TMOD3: variants seen among roughly 807,000 people sequenced by gnomAD.
The protein encoded by TMOD3 is tropomodulin 3.
Under a neutral mutation model 39.2 loss-of-function variants are expected in TMOD3, and 20 were observed. The ratio of observed to expected loss-of-function variants is 0.51; its 90% CI spans 0.36 to 0.74. The LOEUF (loss-of-function observed/expected upper bound fraction) is 0.74, where lower values mean the gene tolerates loss of function less well. Among genes scored for constraint, TMOD3 ranks in the 30% least tolerant of loss-of-function variants. The pLI is 0.00. For missense variants in TMOD3, 381 were observed against 412.8 expected, an observed-to-expected ratio of 0.92 and a Z score of 0.67; for synonymous variants, 143 against 145.8, an observed-to-expected ratio of 0.98 and a Z score of 0.14.
intron 1 of TMOD3, among the ~76,000 whole-genome samples, chr15:51,850,358 CAG>C (rs2056355348): frequency 6.6e-6 from 1 of 152,030 alleles, no homozygotes; most frequent in South Asian, 2.1e-4. Context: ...AGAGACTGGA[CAG>C]TTTATCCATA....
In TMOD3 at chr15:51,911,216, T is replaced by A; in HGVS notation, c.*2406T>A. 6.6e-6 allele frequency: 1 copy of A among 152,210 alleles called. No homozygotes were observed. The highest frequency in any genetic ancestry group is 2.1e-4 in the South Asian group (1 of 4,830). The allele number at this position is 152,210 out of a possible 1,614,324, so 9.4% of individuals were successfully genotyped here. A position where few individuals can be genotyped will look rare whatever the true frequency, so the allele number is the denominator to read the frequency against. On this transcript the variant is annotated 3_prime_UTR_variant, in exon 10 of 10. Transcript: ENST00000308580. ...CTTAAGTTTTGTTTTTGTTTTTGTT[T>A]TTAATATAGGTAAGTGGGACTCTAC...
At chr15:51,894,542 C>T (rs979507282) in intron 6 of TMOD3, among the ~76,000 whole-genome samples, 6 of 152,098 alleles carry the variant, frequency 3.9e-5, no homozygotes, top group South Asian at 2.1e-4. Context: ...TATCTGTCAC[C>T]GCAAAAGTTC....
chr15:51,862,983 A>G lies in TMOD3; in HGVS notation c.99A>G (p.Glu33=), dbSNP rs2056426778. Residue 33 remains glutamate (E), a synonymous_variant, in exon 2 of 10, where the codon GAA becomes GAG. Transcript: ENST00000308580. The part of the protein sequence containing the change: ...NLSETELKQL[E]TVLDDLDPEN... The stretch of plus-strand genomic sequence containing the variant: ...CAGAAACAGAACTGAAACAACTGGA[A>G]ACTGTTTTGGATGATCTTGACCCCG... 1 of 1,613,830 alleles carries G rather than the reference A, an allele frequency of 6.2e-7. No homozygotes were observed. Among genetic ancestry groups the G allele is most frequent in the African/African-American group, 1.3e-5 (1 of 75,042 alleles).
chr15:51,859,722 G>C (rs1264995106), intron 1 of TMOD3: 1 of 486,380 alleles, frequency 2.1e-6, no homozygotes, highest in African/African-American at 2.0e-5. Context: ...GCTATGTCAG[G>C]GCTCTTTGAG....
intron 3 of TMOD3, among the ~76,000 whole-genome samples, chr15:51,872,484 AC>A (rs2056480123): frequency 6.6e-6 from 1 of 152,096 alleles, no homozygotes; most frequent in Admixed American, 6.5e-5. Flanking sequence ...GTAATTACCA[AC>A]ATAGTGTCTA....
intron 9 of TMOD3, among the ~76,000 whole-genome samples, chr15:51,907,700 C>G (rs1331669869): frequency 6.6e-6 from 1 of 152,194 alleles, no homozygotes; most frequent in African/African-American, 2.4e-5. Flanking sequence ...CTCTAGGAGC[C>G]GGCCACAATG....
chr15:51,906,975 G>A (rs146951940), intron 9 of TMOD3, among the ~76,000 whole-genome samples: 1,733 of 148,840 alleles, frequency 0.012, 12 homozygotes, highest in Middle Eastern at 0.025. Flanking sequence ...AGCCGAGATC[G>A]CGCCATTGCA....
chr15:51,892,141 C>T (rs2056596749), intron 5 of TMOD3, among the ~76,000 whole-genome samples: 1 of 152,138 alleles, frequency 6.6e-6, no homozygotes, highest in South Asian at 2.1e-4. Flanking sequence ...TCAGTGCACC[C>T]TGTCTCAAGA....
At chr15:51,889,274 G>C in intron 5 of TMOD3, 129 bp downstream of exon 5, 1 of 615,992 alleles carries the variant, frequency 1.6e-6, no homozygotes, top group Admixed American at 3.4e-5. Context: ...ATTTCAGTTT[G>C]GTGGTATTAA....
At chr15:51,860,103 G>C (rs751121480) in intron 1 of TMOD3, 15 of 488,974 alleles carry the variant, frequency 3.1e-5, no homozygotes, top group Non-Finnish European at 6.1e-5. Flanking sequence ...TTCGTTGTAG[G>C]CTGTACGCTG....
At chr15:51,853,634 G>A (rs1043409121) in intron 1 of TMOD3, among the ~76,000 whole-genome samples, 1 of 151,970 alleles carries the variant, frequency 6.6e-6, no homozygotes, top group African/African-American at 2.4e-5. Context: ...TGGTTATAAT[G>A]GATGTATATA....
At chr15:51,858,909 C>T (rs924421822) in intron 1 of TMOD3, among the ~76,000 whole-genome samples, 14 of 152,118 alleles carry the variant, frequency 9.2e-5, no homozygotes, top group Non-Finnish European at 1.9e-4. Context: ...TGGTGTCCTG[C>T]GCCTATAATC....
Position 51,844,894 on chromosome 15 carries a change from T to C in TMOD3, c.-75+15058T>C, listed in dbSNP as rs114593937. On this transcript the variant is annotated intron_variant, in intron 1 of 9. Coordinates refer to ENST00000308580, the MANE Select transcript of TMOD3 (RefSeq NM_014547.5). Reference sequence around the variant, plus strand: ...TTAACTTTTTTTTCCCCTCTACTACTTAACAACATTGGCTCATGCTTGACT... The same window carrying C: ...TTAACTTTTTTTTCCCCTCTACTACCTAACAACATTGGCTCATGCTTGACT... Among the ~76,000 whole-genome samples the C allele has an allele frequency of 5.6e-3, 848 of 152,320 alleles. 9 individuals are homozygous for C. Among genetic ancestry groups the C allele is most frequent in the African/African-American group, 0.02 (818 of 41,566 alleles).
At chr15:51,895,907 G>A (rs555937360) in intron 6 of TMOD3, among the ~76,000 whole-genome samples, 14 of 152,052 alleles carry the variant, frequency 9.2e-5, no homozygotes, top group Non-Finnish European at 1.8e-4. Flanking sequence ...TCAGGAGTTC[G>A]GGACCAGCCT....
chr15:51,897,106 A>G (rs1055727960), intron 7 of TMOD3, among the ~76,000 whole-genome samples: 1 of 152,204 alleles, frequency 6.6e-6, no homozygotes, highest in Non-Finnish European at 1.5e-5. Context: ...CCCTTACCTC[A>G]GTGGACATTC....
chr15:51,867,198 G>T (rs1480834506), intron 2 of TMOD3, among the ~76,000 whole-genome samples: 1 of 152,182 alleles, frequency 6.6e-6, no homozygotes, highest in African/African-American at 2.4e-5. Flanking sequence ...ATCCAGGTGG[G>T]AAGCTAATGT....
chr15:51,862,557 T>G (rs1287594459), intron 1 of TMOD3, among the ~76,000 whole-genome samples: 1 of 152,214 alleles, frequency 6.6e-6, no homozygotes, highest in Non-Finnish European at 1.5e-5. Context: ...TATTAGAAAT[T>G]CTAAATTCTA....
At chr15:51,879,889 C>CACACACACACGAA (rs1555387141) in intron 3 of TMOD3, among the ~76,000 whole-genome samples, 1 of 150,884 alleles carries the variant, frequency 6.6e-6, no homozygotes, top group Non-Finnish European at 1.5e-5. Context: ...CACACACACA[C>CACACACACACGAA]GAAGAAGAAA....
intron 2 of TMOD3, among the ~76,000 whole-genome samples, chr15:51,868,493 T>C (rs1242771655): frequency 6.6e-6 from 1 of 152,200 alleles, no homozygotes; most frequent in Non-Finnish European, 1.5e-5. Context: ...TATGTCCTTG[T>C]GTTCTCATCA....
Sources: allele counts gnomAD v4.1 joint callset (sites outside exome capture counted in the v4.1 genomes callset), GRCh38; gene constraint gnomAD v4.1.1; transcripts MANE v1.5; gene names NCBI Gene and HGNC (gene_info 2026-07-23, HGNC 2026-07-21).